NAGK: variants seen among roughly 807,000 people sequenced by gnomAD.
NAGK encodes N-acetyl-D-glucosamine kinase.
A neutral mutation model predicts 42.9 loss-of-function variants in NAGK; 35 were observed. That is an observed-to-expected ratio of 0.82 (90% confidence interval 0.62 to 1.08). NAGK has a LOEUF of 1.08. Among genes scored for constraint, NAGK ranks in the 50% least tolerant of loss-of-function variants. The pLI, the probability that NAGK is intolerant of heterozygous loss-of-function variation, is 0.00. For synonymous variants in NAGK, 172 were observed against 176.0 expected (o/e 0.98, Z 0.18); for missense variants, 446 against 446.0 (o/e 1.00, Z 0.00).
At chr2:71,069,684 G>A (rs888400859) in intron 1 of NAGK, 4 of 154,574 alleles carry the variant, frequency 2.6e-5, no homozygotes, top group African/African-American at 9.6e-5. Flanking sequence ...CATGCTTTTG[G>A]ATGTGGAATC....
chr2:71,071,568 G>C, intron 3 of NAGK, 118 bp from the exon 4 acceptor site: 1 of 1,370,388 alleles, frequency 7.3e-7, no homozygotes, highest in East Asian at 2.5e-5. Flanking sequence ...ACTGGGGCTG[G>C]GTGAACAGGG....
intron 7 of NAGK, chr2:71,075,866 A>G (rs924395563): frequency 3.5e-6 from 2 of 567,156 alleles, no homozygotes; most frequent in Non-Finnish European, 6.3e-6. Flanking sequence ...TTTCTTTAAT[A>G]GCTATCATGG....
In NAGK at chr2:71,068,649, C is replaced by T. The variant is rs1671877033; in HGVS notation, c.-35C>T. 4 of 1,522,760 alleles carry T rather than the reference C, an allele frequency of 2.6e-6. No individual in the cohort carries two copies. The highest frequency in any genetic ancestry group is 2.1e-5 in the Admixed American group (1 of 46,818). 94.3% of individuals were successfully genotyped at this position (1,522,760 alleles called of 1,614,324 possible). ...AGGAGGTGTCAGGCGGGGAGAGACG[C>T]AAACGGCGGGACCAGCAGCGACGGT... On this transcript the variant is annotated 5_prime_UTR_variant, in exon 1 of 10. Coordinates refer to ENST00000244204, the MANE Select transcript of NAGK (RefSeq NM_017567.6).
In NAGK at chr2:71,078,396, G is replaced by A. The variant is rs749052980; in HGVS notation, c.923G>A (p.Arg308Lys). 3.7e-6 allele frequency: 6 copies of A among 1,614,040 alleles called. No individual in the cohort carries two copies. The South Asian group carries it at 4.4e-5, about 12-fold the overall frequency. Residue 308 changes from arginine to lysine, a missense_variant, in exon 10 of 10, where the codon AGG (arginine) becomes AAG (lysine). Transcript: ENST00000244204. ...FFSSFTLMKL[R>K]HSSALGGASL... ...TCCAGCTTCACCCTGATGAAGCTGA[G>A]GCACTCCTCCGCTCTGGGTGGGGCC...
At chr2:71,070,410 T>C in intron 1 of NAGK, 92 bp from the exon 2 acceptor site, 2 of 1,067,310 alleles carry the variant, frequency 1.9e-6, no homozygotes, top group South Asian at 1.5e-5. Flanking sequence ...GTCTCCTCCA[T>C]CATACTGGGC....
intron 6 of NAGK, chr2:71,074,915 CAAAA>C (rs897007228): frequency 6.7e-6 from 1 of 150,328 alleles, no homozygotes; most frequent in East Asian, 1.9e-4. Context: ...GACTCTGCCT[CAAAA>C]AAAATAAAAA....
intron 6 of NAGK, chr2:71,074,507 T>C (rs1160775851): frequency 6.6e-6 from 1 of 152,280 alleles, no homozygotes; most frequent in Non-Finnish European, 1.5e-5. Flanking sequence ...TTCTATCCTT[T>C]AGTCATTCTT....
chr2:71,077,529 C>G, intron 8 of NAGK, 29 bp from the exon 9 acceptor site: 3 of 1,583,296 alleles, frequency 1.9e-6, no homozygotes, highest in Non-Finnish European at 2.6e-6. Context: ...TAGGTTGGCC[C>G]CCATATCCAT....
chr2:71,072,631 C>T lies in NAGK; in HGVS notation c.356-10C>T, dbSNP rs1359593811. On this transcript the variant is annotated splice_polypyrimidine_tract_variant and intron_variant, in intron 4 of 9. Coordinates refer to ENST00000244204, the MANE Select transcript of NAGK (RefSeq NM_017567.6). ...TCGGCCACACTGAGCCTCCTATTCC[C>T]TTTCCCCAGGTGGAGTTGTGCTCAT... 6.2e-7 allele frequency: 1 copy of T among 1,610,806 alleles called. No individual in the cohort carries two copies. The highest frequency in any genetic ancestry group is 8.5e-7 in the Non-Finnish European group (1 of 1,177,256).
chr2:71,069,965 A>G (rs909545795), intron 1 of NAGK: 1 of 158,896 alleles, frequency 6.3e-6, no homozygotes, highest in Non-Finnish European at 1.4e-5. Flanking sequence ...GGATCTTGAA[A>G]TGCAGTCTTT....
At chr2:71,073,654 G>A in intron 6 of NAGK, 60 bp downstream of exon 6, 1 of 1,366,930 alleles carries the variant, frequency 7.3e-7, no homozygotes, top group Non-Finnish European at 1.0e-6. Flanking sequence ...AACACTCCAA[G>A]TAAGAGTGGA....
Position 71,070,725 on chromosome 2 carries a change from C to G in NAGK, c.115-16C>G, listed in dbSNP as rs958312115. Reference sequence around the variant, plus strand: ...TGTAAGCCTTTGTAACTCCTTCTTCCCTTGATTGGGGCCAGCTGATCGGGA... The same window carrying G: ...TGTAAGCCTTTGTAACTCCTTCTTCGCTTGATTGGGGCCAGCTGATCGGGA... On this transcript the variant is annotated splice_polypyrimidine_tract_variant and intron_variant, in intron 2 of 9. Coordinates refer to ENST00000244204, the MANE Select transcript of NAGK (RefSeq NM_017567.6). 10 of 1,614,140 alleles carry G rather than the reference C, an allele frequency of 6.2e-6. No individual in the cohort carries two copies. The highest frequency in any genetic ancestry group is 8.5e-6 in the Non-Finnish European group (10 of 1,180,006).
At position 71,078,631 on chromosome 2, in the gene NAGK, C is replaced by G. The variant is rs1259952639; in HGVS notation, c.*123C>G. On this transcript the variant is annotated 3_prime_UTR_variant, in exon 10 of 10. Transcript: ENST00000244204. The stretch of plus-strand genomic sequence containing the variant: ...ATAGAAGAAAATAAATGCACTTTAT[C>G]CACTCCCCAATTGGACTGCATTATC... 2.5e-6 allele frequency: 3 copies of G among 1,181,740 alleles called. No individual in the cohort carries two copies. Among genetic ancestry groups the G allele is most frequent in the Non-Finnish European group, 3.5e-6 (3 of 861,678 alleles). 73.2% of individuals were successfully genotyped at this position (1,181,740 alleles called of 1,614,324 possible).
At chr2:71,068,848 G>A in intron 1 of NAGK, 136 bp downstream of exon 1, 1 of 1,382,604 alleles carries the variant, frequency 7.2e-7, no homozygotes, top group South Asian at 1.7e-5. Flanking sequence ...AGAGGTGTGT[G>A]CACGCGCAGG....
At chr2:71,068,550 G>C (rs1269503720), upstream of NAGK, 1 of 1,478,096 alleles carries the variant, frequency 6.8e-7, no homozygotes, top group Non-Finnish European at 9.0e-7. Flanking sequence ...CCGCGCATGC[G>C]CACGCGCACA....
In NAGK at chr2:71,077,573, A is replaced by G. The variant is rs146053228; in HGVS notation, c.781A>G (p.Lys261Glu). 5.8e-5 allele frequency: 93 copies of G among 1,609,062 alleles called. No individual in the cohort carries two copies. The African/African-American group carries it at 1.2e-3, about 20-fold the overall frequency. Residue 261 changes from lysine to glutamate, a missense_variant, in exon 9 of 10, where the codon AAG becomes GAG. Physicochemically the swap from Lys to Glu is moderately conservative, Grantham distance 56. Coordinates refer to ENST00000244204, the MANE Select transcript of NAGK (RefSeq NM_017567.6). ...PEIDPVLFQGKIGLPILCVGS... is the reference protein window; with the variant it reads ...PEIDPVLFQGEIGLPILCVGS... ...CTCCACCCAGGTCTTGTTCCAGGGC[A>G]AGATTGGACTCCCCATCCTGTGCGT...
rs78810041 is a variant in NAGK at position 71,074,446 on chromosome 2, C to T, written c.579+852C>T. 1.5e-3 allele frequency among the ~76,000 whole-genome samples: 225 copies of T among 152,292 alleles called. 1 individual carries two copies. In the East Asian group the frequency reaches 0.025, roughly 17 times the overall value. On this transcript the variant is annotated intron_variant, in intron 6 of 9. Coordinates refer to ENST00000244204, the MANE Select transcript of NAGK (RefSeq NM_017567.6). ...TGCAGTTAGTAACTGTTAAGCTATC[C>T]GGACTCAGCCAATTGGTTCCAAACT...
intron 5 of NAGK, 152 bp from the exon 6 acceptor site, chr2:71,073,330 C>CCCAA: frequency 2.2e-6 from 1 of 448,818 alleles, no homozygotes; most frequent in East Asian, 5.0e-5. Flanking sequence ...TCCCACCCCC[C>CCCAA]TCTCCCACCC....
chr2:71,069,022 A>G (rs928912845), intron 1 of NAGK: 8 of 1,130,984 alleles, frequency 7.1e-6, no homozygotes, highest in Non-Finnish European at 8.7e-6. Flanking sequence ...CCTTTTTCCT[A>G]TTCCTGACCT....
Sources: gnomAD v4.1 joint callset for allele counts (sites outside exome capture counted in the v4.1 genomes callset) on GRCh38, gnomAD v4.1.1 for gene constraint, MANE v1.5 for transcripts, NCBI Gene and HGNC (gene_info 2026-07-23, HGNC 2026-07-21) for gene names.